NDE1: variants seen among roughly 807,000 people sequenced by gnomAD.
The protein encoded by NDE1 is nuclear distribution protein nudE homolog 1.
Under a neutral mutation model 43.4 loss-of-function variants are expected in NDE1, and 28 were observed. That is an observed-to-expected ratio of 0.65 (90% CI 0.48 to 0.89). The LOEUF (loss-of-function observed/expected upper bound fraction) is 0.89. NDE1 is among the 40% of genes least tolerant of loss of function. The probability of loss-of-function intolerance (pLI) is 0.00; values close to 1 mark genes in which losing one functional copy is unlikely to be tolerated. For missense variants in NDE1, 441 were observed against 434.1 expected (o/e 1.02, Z -0.14); for synonymous variants, 184 against 172.0 (o/e 1.07, Z -0.55).
chr16:15,688,080 G>A (rs545061555), intron 5 of NDE1, among the ~76,000 whole-genome samples: 1 of 152,292 alleles, frequency 6.6e-6, no homozygotes, highest in Non-Finnish European at 1.5e-5. Flanking sequence ...GGAAGCCAAG[G>A]TGGGATGATT....
chr16:15,697,830 G>A (rs1335354850), intron 8 of NDE1, among the ~76,000 whole-genome samples: 1 of 148,072 alleles, frequency 6.8e-6, no homozygotes, highest in Admixed American at 6.8e-5. Context: ...TTTTTTTTGA[G>A]ACGTCTTGCT....
At chr16:15,690,000 G>A (rs894850827) in intron 5 of NDE1, among the ~76,000 whole-genome samples, 4 of 151,788 alleles carry the variant, frequency 2.6e-5, no homozygotes, top group African/African-American at 9.7e-5. Flanking sequence ...ACATGTTATG[G>A]TGATGATGAG....
intron 7 of NDE1, chr16:15,695,439 C>T (rs956231325): frequency 2.5e-5 from 23 of 930,890 alleles, no homozygotes; most frequent in African/African-American, 2.3e-4. Context: ...ATCCGGGAGG[C>T]GGAGGTTGCA....
intron 6 of NDE1, 49 bp from the exon 7 acceptor site, chr16:15,694,116 A>G (rs984319970): frequency 1.2e-6 from 2 of 1,604,814 alleles, no homozygotes; most frequent in Non-Finnish European, 1.7e-6. Flanking sequence ...TAACGCACAG[A>G]CATGACTATA....
Position 15,719,022 on chromosome 16 carries a change from G to A in NDE1, c.948-5169G>A, listed in dbSNP as rs2040322219. 1.3e-5 allele frequency: 8 copies of A among 635,474 alleles called. No individual in the cohort carries two copies. The South Asian group carries it at 1.4e-4, about 11-fold the overall frequency. 39.4% of individuals were successfully genotyped at this position (635,474 alleles called of 1,614,324 possible). ...ACACACCTGTAGTCTCAGCTACTCA[G>A]AAGGCTGAGGCAGGAGAATTGCTTG... On this transcript the variant is annotated intron_variant, in intron 8 of 8. Transcript: ENST00000396354.
intron 8 of NDE1, chr16:15,708,765 T>G: frequency 6.3e-7 from 1 of 1,591,944 alleles, no homozygotes; most frequent in Non-Finnish European, 8.6e-7. Context: ...AAATGGATAC[T>G]GAGACAACAC....
chr16:15,678,550 G>T (rs575576741), intron 4 of NDE1, among the ~76,000 whole-genome samples: 36 of 152,070 alleles, frequency 2.4e-4, no homozygotes, highest in African/African-American at 7.5e-4. Flanking sequence ...TCTTTAGTAG[G>T]GATGGGCTCT....
At chr16:15,647,049 C>T (rs1163454023), upstream of NDE1, among the ~76,000 whole-genome samples, 1 of 152,046 alleles carries the variant, frequency 6.6e-6, no homozygotes, top group African/African-American at 2.4e-5. Context: ...AACTCTGTCT[C>T]GAAATAAAAT....
intron 3 of NDE1, among the ~76,000 whole-genome samples, chr16:15,669,683 C>T (rs554456782): frequency 2.7e-5 from 4 of 150,914 alleles, no homozygotes; most frequent in East Asian, 2.0e-4. Context: ...TTAGCAAGGA[C>T]GAGGTTTCAC....
chr16:15,649,930 T>C (rs1324037940), upstream of NDE1, among the ~76,000 whole-genome samples: 2 of 152,228 alleles, frequency 1.3e-5, no homozygotes, highest in African/African-American at 4.8e-5. Context: ...CGGCGTATTT[T>C]CCTGAAATGC....
chr16:15,697,073 G>A lies in NDE1; in HGVS notation c.947+213G>A, dbSNP rs1336374421. The A allele has an allele frequency of 3.0e-5, 45 of 1,477,780 alleles. No individual in the cohort carries two copies. The East Asian group carries it at 3.2e-4, about 11-fold the overall frequency. 91.5% of individuals were successfully genotyped at this position (1,477,780 alleles called of 1,614,324 possible). A position where few individuals can be genotyped will look rare whatever the true frequency, so the allele number is the denominator to read the frequency against. On this transcript the variant is annotated intron_variant, in intron 8 of 8. Coordinates refer to ENST00000396354, the MANE Select transcript of NDE1 (RefSeq NM_017668.3). ...AGAGAGGGTCTTGTTTTGTGAGACA[G>A]GGTCTCACTCTGTCACCTAGGCTAG...
intron 8 of NDE1, among the ~76,000 whole-genome samples, chr16:15,720,468 G>A (rs1212438083): frequency 2.6e-5 from 4 of 152,032 alleles, no homozygotes; most frequent in African/African-American, 7.2e-5. Context: ...GAATCACGCC[G>A]GGCGTGGGTG....
chr16:15,648,032 C>T (rs1309411112), upstream of NDE1, among the ~76,000 whole-genome samples: 3 of 72,978 alleles, frequency 4.1e-5, no homozygotes, highest in Non-Finnish European at 5.9e-5. Context: ...GACTCTGTCT[C>T]ACAAAAAAAA....
rs1315691243 is a variant in NDE1 at position 15,703,337 on chromosome 16, G to A, written c.947+6477G>A. On this transcript the variant is annotated intron_variant, in intron 8 of 8. Coordinates refer to ENST00000396354, the MANE Select transcript of NDE1 (RefSeq NM_017668.3). The stretch of plus-strand genomic sequence containing the variant: ...AATTCTCAAAGGCCTGACGTGAGAA[G>A]TTGGAAAGGTTTGCAGGTTAGGGAA... 3 of 232,332 alleles carry A rather than the reference G, an allele frequency of 1.3e-5. No individual in the cohort carries two copies. The Admixed American group carries it at 1.6e-4, about 12-fold the overall frequency. 14.4% of individuals were successfully genotyped at this position (232,332 alleles called of 1,614,324 possible). A position where few individuals can be genotyped will look rare whatever the true frequency, so the allele number is the denominator to read the frequency against.
chr16:15,687,613 C>A, intron 5 of NDE1, 102 bp downstream of exon 5: 1 of 1,136,886 alleles, frequency 8.8e-7, no homozygotes, highest in Non-Finnish European at 1.3e-6. Context: ...AGGGACCCCA[C>A]ACCCTGCTCT....
At chr16:15,687,179 T>C (rs2151100964) in intron 4 of NDE1, 196 bp from the exon 5 acceptor site, 1 of 1,502,482 alleles carries the variant, frequency 6.7e-7, no homozygotes, top group Non-Finnish European at 8.9e-7. Context: ...CCATGAGCTA[T>C]GATGAGTCCC....
At chr16:15,643,646 C>T (rs2036208915) in exon 1 of NDE1, 1 of 274,040 alleles carries the variant, frequency 3.6e-6, no homozygotes. Context: ...GCGCATATTC[C>T]CCAGCATCCT....
At chr16:15,688,044 C>T (rs369574868) in intron 5 of NDE1, among the ~76,000 whole-genome samples, 1 of 152,114 alleles carries the variant, frequency 6.6e-6, no homozygotes, top group East Asian at 1.9e-4. Context: ...GGTGTGATGG[C>T]ATGTGCCTGT....
At chr16:15,721,710 G>A in intron 8 of NDE1, 2 of 1,487,080 alleles carry the variant, frequency 1.3e-6, no homozygotes, top group East Asian at 2.3e-5. Context: ...ACCGGGGGAA[G>A]CCCTGTGTCC....
Sources: gnomAD v4.1 joint callset for allele counts (sites outside exome capture counted in the v4.1 genomes callset) on GRCh38, gnomAD v4.1.1 for gene constraint, MANE v1.5 for transcripts, NCBI Gene and HGNC (gene_info 2026-07-23, HGNC 2026-07-21) for gene names.